The following GRAMD1B variants were observed in gnomAD, a reference collection of about 807,000 sequenced individuals.
GRAMD1B encodes GRAM domain containing 1B, also known as protein Aster-B.
A neutral mutation model predicts 99.7 loss-of-function variants in GRAMD1B; 37 were observed. That is an observed-to-expected ratio of 0.37 (90% CI 0.29 to 0.49). GRAMD1B has a LOEUF of 0.49. Ranked by LOEUF, GRAMD1B falls within the 20% of genes least tolerant of loss-of-function variation. GRAMD1B has a pLI of 0.98. For missense variants in GRAMD1B, 888 were observed against 1,009.2 expected, an observed-to-expected ratio of 0.88 and a Z score of 1.63; for synonymous variants, 427 against 387.6, an observed-to-expected ratio of 1.10 and a Z score of -1.19.
At chr11:123,598,739 C>T (rs1268867516) in intron 7 of GRAMD1B, 15 of 894,118 alleles carry the variant, frequency 1.7e-5, no homozygotes, top group Admixed American at 6.8e-5. Context: ...CTCCAGCCTG[C>T]GTCAGAGCAC....
chr11:123,542,863 A>G lies in GRAMD1B; in HGVS notation c.453-34504A>G, dbSNP rs1591908227. On this transcript the variant is annotated intron_variant, in intron 2 of 19. Coordinates refer to ENST00000635736, the MANE Select transcript of GRAMD1B (RefSeq NM_001387025.1). ...AAGACGGGGTTTCACCATGTTGCCC[A>G]GGCTGGTCTTGAACTCCTGACCTCA... Among the ~76,000 whole-genome samples, 4 of 152,192 alleles carry G rather than the reference A, an allele frequency of 2.6e-5. No homozygotes were observed. In the South Asian group the frequency reaches 8.3e-4, roughly 32 times the overall value.
intron 2 of GRAMD1B, among the ~76,000 whole-genome samples, chr11:123,522,088 C>T (rs1942242256): frequency 6.6e-6 from 1 of 152,038 alleles, no homozygotes; most frequent in Admixed American, 6.6e-5. Flanking sequence ...AGCCAGATTG[C>T]AGGGAGTCAG....
At chr11:123,611,916 G>C (rs1023530457) in intron 14 of GRAMD1B, among the ~76,000 whole-genome samples, 2 of 152,152 alleles carry the variant, frequency 1.3e-5, no homozygotes, top group Non-Finnish European at 2.9e-5. Flanking sequence ...ATGAACCTAA[G>C]GGGGAGGCAA....
Position 123,501,583 on chromosome 11 carries a change from C to CT in GRAMD1B, c.452+20697dup, listed in dbSNP as rs1192508692. Among the ~76,000 whole-genome samples, 23 of 152,302 alleles carry CT rather than the reference C, an allele frequency of 1.5e-4. No individual in the cohort carries two copies. In the South Asian group the frequency reaches 4.6e-3, roughly 30 times the overall value. On this transcript the variant is annotated intron_variant, in intron 2 of 19. Transcript: ENST00000635736. Reference sequence around the variant, plus strand: ...CTGCTTTTTCTTGAATCTCATGGATCTTTTTTTCTAACTTGCTGGAATTGG... The same window carrying CT: ...CTGCTTTTTCTTGAATCTCATGGATCTTTTTTTTCTAACTTGCTGGAATTGG...
chr11:123,626,464 T>A lies in GRAMD1B; in HGVS notation c.*3869T>A, dbSNP rs747046086. 7.2e-5 allele frequency: 11 copies of A among 152,086 alleles called. No homozygotes were observed. The highest frequency in any genetic ancestry group is 1.2e-4 in the Non-Finnish European group (8 of 68,046). The allele number at this position is 152,086 out of a possible 1,614,324, so 9.4% of individuals were successfully genotyped here. A position where few individuals can be genotyped will look rare whatever the true frequency, so the allele number is the denominator to read the frequency against. ...GGACTAGGGGAAGTATCTTTCTGGA[T>A]GCTTGTGGTCCCAGAAGGGTACTTT... On this transcript the variant is annotated 3_prime_UTR_variant, in exon 20 of 20. Transcript: ENST00000635736.
chr11:123,606,646 G>A lies in GRAMD1B; in HGVS notation c.1361G>A (p.Gly454Glu), dbSNP rs753560680. The change falls in exon 11 of 20, where the codon GGA becomes GAA. Residue 454 changes from glycine to glutamate, a missense_variant. Around this residue, in one of 5 missense-constraint regions of GRAMD1B, gnomAD observed 269 missense variants for 296.6 expected, o/e 0.91. Transcript: ENST00000635736. The part of the protein sequence containing the change: ...GLPLEEEALE[G>E]DGSLEKELAI... ...CCCCTGGAGGAAGAGGCGCTGGAGG[G>A]AGACGGGTCCCTGGAAAAGGAGCTC... 10 of 1,612,770 alleles carry A rather than the reference G, an allele frequency of 6.2e-6. No homozygotes were observed. Among genetic ancestry groups the A allele is most frequent in the African/African-American group, 1.3e-5 (1 of 74,910 alleles).
At chr11:123,445,262 G>C (rs574551925) in intron 1 of GRAMD1B, among the ~76,000 whole-genome samples, 1 of 152,214 alleles carries the variant, frequency 6.6e-6, no homozygotes, top group Non-Finnish European at 1.5e-5. Flanking sequence ...ATGTCAGTGA[G>C]TGCCAGGCTG....
At position 123,405,311 on chromosome 11, in the gene GRAMD1B, C is replaced by T. The variant is rs117650333; in HGVS notation, c.-176+46512C>T. Reference sequence around the variant, plus strand: ...ACTTATGTAGCTGGTGACCTCAGACCCAACCACTTGTCCTGCTCTGACCCT... The same window carrying T: ...ACTTATGTAGCTGGTGACCTCAGACTCAACCACTTGTCCTGCTCTGACCCT... On this transcript the variant is annotated intron_variant, in intron 1 of 20. Transcript: ENST00000638157. Among the ~76,000 whole-genome samples the T allele has an allele frequency of 3.9e-3, 590 of 152,048 alleles. 2 individuals are homozygous for T. Among genetic ancestry groups the T allele is most frequent in the South Asian group, 0.012 (60 of 4,810 alleles).
intron 1 of GRAMD1B, among the ~76,000 whole-genome samples, chr11:123,468,712 G>A (rs1366127830): frequency 6.6e-6 from 1 of 150,444 alleles, no homozygotes; most frequent in Non-Finnish European, 1.5e-5. Context: ...TGGGAGGATT[G>A]CTTGAGCCCG....
chr11:123,572,460 A>G (rs1041898756), intron 2 of GRAMD1B, among the ~76,000 whole-genome samples: 4 of 152,238 alleles, frequency 2.6e-5, no homozygotes, highest in Non-Finnish European at 4.4e-5. Flanking sequence ...TTTGCTCAGC[A>G]GGACATCCAA....
intron 1 of GRAMD1B, among the ~76,000 whole-genome samples, chr11:123,398,834 A>C (rs1188737771): frequency 6.6e-6 from 1 of 152,236 alleles, no homozygotes. Context: ...AGGAATAAGT[A>C]TACATCTGTG....
In GRAMD1B at chr11:123,622,588, A is replaced by G. The variant is rs951873344; in HGVS notation, c.2627A>G (p.Tyr876Cys). The change falls in exon 20 of 20, where the codon TAT (tyrosine) becomes TGT (cysteine). Residue 876 changes from tyrosine to cysteine, a missense_variant. By Grantham distance (194) the Tyr-to-Cys change is radical. Transcript: ENST00000635736. The stretch of plus-strand genomic sequence containing the variant: ...GAAAGTGAAGAAAAGAGGAATCGCT[A>G]TCATTGACAAGGCAGGAACAGGGTG... ...TSESEEKRNR[Y>C]H is the part of the protein sequence containing the mutation. The G allele has an allele frequency of 1.3e-6, 2 of 1,543,708 alleles. No homozygotes were observed. Among genetic ancestry groups the G allele is most frequent in the South Asian group, 1.2e-5 (1 of 83,984 alleles).
chr11:123,593,685 G>C (rs1950931074), intron 4 of GRAMD1B, among the ~76,000 whole-genome samples: 1 of 152,174 alleles, frequency 6.6e-6, no homozygotes, highest in South Asian at 2.1e-4. Flanking sequence ...ACATCATGGG[G>C]GGCTGGGCAG....
chr11:123,606,734 G>A lies in GRAMD1B; in HGVS notation c.1449G>A (p.Leu483=). 6.2e-7 allele frequency: 1 copy of A among 1,613,720 alleles called. No homozygotes were observed. Among genetic ancestry groups the A allele is most frequent in the South Asian group, 1.1e-5 (1 of 90,994 alleles). The change falls in exon 11 of 20, where the codon CTG becomes CTA. Residue 483 remains leucine, a synonymous_variant. Transcript: ENST00000635736. ...TCGCTCCTGTGAACTCCCCTTCACT[G>A]GACTTCAATGACAATGAGGACATCC... ...EMIAPVNSPS[L]DFNDNEDIPT...
intron 7 of GRAMD1B, among the ~76,000 whole-genome samples, chr11:123,597,155 G>A (rs908111454): frequency 6.7e-6 from 1 of 149,656 alleles, no homozygotes; most frequent in Non-Finnish European, 1.5e-5. Context: ...TTGAGATGGG[G>A]CCTCACTATA....
At chr11:123,617,723 C>A (rs556358290) in intron 17 of GRAMD1B, among the ~76,000 whole-genome samples, 75 of 152,246 alleles carry the variant, frequency 4.9e-4, no homozygotes, top group Non-Finnish European at 1.0e-3. Context: ...GGGTTTGCAT[C>A]CAGTTTTGTG....
At chr11:123,550,217 T>A (rs182842081) in intron 2 of GRAMD1B, among the ~76,000 whole-genome samples, 4 of 152,336 alleles carry the variant, frequency 2.6e-5, no homozygotes, top group Admixed American at 2.6e-4. Context: ...CGTGCTTTAC[T>A]TTCCTCCTGG....
intron 3 of GRAMD1B, among the ~76,000 whole-genome samples, chr11:123,583,869 C>T (rs1949742868): frequency 6.6e-6 from 1 of 152,154 alleles, no homozygotes; most frequent in African/African-American, 2.4e-5. Flanking sequence ...TTAGGTAGTC[C>T]CCTTTCTACC....
intron 1 of GRAMD1B, among the ~76,000 whole-genome samples, chr11:123,407,734 G>A (rs1290490810): frequency 6.6e-6 from 1 of 152,180 alleles, no homozygotes; most frequent in East Asian, 1.9e-4. Context: ...GCTTATCTCT[G>A]TCATCTCCCC....
Sources: allele counts gnomAD v4.1 joint callset (sites outside exome capture counted in the v4.1 genomes callset), GRCh38; gene constraint gnomAD v4.1.1; regional missense constraint gnomAD v4.1.1; transcripts MANE v1.5; gene names NCBI Gene and HGNC (gene_info 2026-07-23, HGNC 2026-07-21).